The following MANBA variants were observed in gnomAD, a reference collection of about 807,000 sequenced individuals.
The protein encoded by MANBA is mannosidase beta.
In MANBA, 83 loss-of-function variants were observed where a neutral mutation model predicts 111.1. The ratio of observed to expected loss-of-function variants is 0.75; its 90% confidence interval spans 0.63 to 0.90. The LOEUF (loss-of-function observed/expected upper bound fraction) is 0.90. Ranked by LOEUF, MANBA falls within the 40% of genes least tolerant of loss-of-function variation. MANBA has a pLI of 0.00. For synonymous variants in MANBA, 370 were observed against 378.7 expected (o/e 0.98, Z 0.27); for missense variants, 1,036 against 1,069.0 (o/e 0.97, Z 0.43).
At chr4:102,688,377 CT>C (rs1337619342) in intron 7 of MANBA, among the ~76,000 whole-genome samples, 13 of 109,774 alleles carry the variant, frequency 1.2e-4, no homozygotes, top group African/African-American at 3.9e-4. Context: ...TCTCTCTCCC[CT>C]CCCCCCTTAC....
rs1034586867 is a variant in MANBA at position 102,664,809 on chromosome 4, C to A, written c.1361G>T (p.Gly454Val). Residue 454 changes from glycine to valine, a missense_variant, in exon 11 of 17, where the codon GGC (glycine) becomes GTC (valine). Transcript: ENST00000647097. ...CAGCGCCTCCTCATTTTCATTATTG[C>A]CACTCCATATGATGATAGAAGGATG... ...KSHPSIIIWS[G>V]NNENEEALMM... is the part of the protein sequence containing the mutation. The A allele has an allele frequency of 6.2e-7, 1 of 1,609,078 alleles. No homozygotes were observed. The highest frequency in any genetic ancestry group is 1.1e-5 in the South Asian group (1 of 90,980).
intron 7 of MANBA, among the ~76,000 whole-genome samples, chr4:102,689,210 G>T (rs541061474): frequency 5.2e-4 from 79 of 152,028 alleles, no homozygotes; most frequent in African/African-American, 1.7e-3. Flanking sequence ...TTAGCTGGGC[G>T]TGGTGGCGGG....
intron 5 of MANBA, among the ~76,000 whole-genome samples, chr4:102,692,109 A>G (rs227373): frequency 0.65 from 98,848 of 152,016 alleles, 32,307 homozygotes; most frequent in South Asian, 0.8. Flanking sequence ...ATCAAAGAGC[A>G]TGACCAGATC....
chr4:102,743,414 T>C (rs1349563892), intron 1 of MANBA, among the ~76,000 whole-genome samples: 2 of 152,210 alleles, frequency 1.3e-5, no homozygotes, highest in East Asian at 3.8e-4. Flanking sequence ...AGGGATGTCC[T>C]AGAAAGGGGC....
chr4:102,724,127 A>G (rs1722693311), intron 2 of MANBA, among the ~76,000 whole-genome samples, 160 bp from the exon 3 acceptor site: 1 of 152,248 alleles, frequency 6.6e-6, no homozygotes, highest in East Asian at 1.9e-4. Context: ...CTGCTTTAAA[A>G]CATACTTACG....
chr4:102,726,713 A>G (rs1722821517), intron 1 of MANBA, 30 bp from the exon 2 acceptor site: 1 of 925,350 alleles, frequency 1.1e-6, no homozygotes, highest in South Asian at 1.3e-5. Flanking sequence ...ATTATGGTAG[A>G]TGGTTAAATA....
chr4:102,732,519 T>C (rs978513082), intron 1 of MANBA, among the ~76,000 whole-genome samples: 2 of 152,164 alleles, frequency 1.3e-5, no homozygotes, highest in African/African-American at 4.8e-5. Context: ...CACTACAACA[T>C]CAGTGGGAGT....
Position 102,756,215 on chromosome 4 carries a change from T to G in MANBA, c.177+4503A>C, listed in dbSNP as rs549977603. Among the ~76,000 whole-genome samples the G allele has an allele frequency of 2.9e-3, 446 of 152,276 alleles. 5 individuals carry two copies. The highest frequency in any genetic ancestry group is 0.01 in the African/African-American group (424 of 41,566). On this transcript the variant is annotated intron_variant, in intron 1 of 16. Coordinates refer to ENST00000647097, the MANE Select transcript of MANBA (RefSeq NM_005908.4). The stretch of plus-strand genomic sequence containing the variant: ...CACTATTCACAATAGCAAAGACTTG[T>G]AACCAACCCAAATGTCCAACAATGA...
chr4:102,758,067 T>A (rs540813701), intron 1 of MANBA, among the ~76,000 whole-genome samples: 1 of 152,352 alleles, frequency 6.6e-6, no homozygotes, highest in Admixed American at 6.5e-5. Context: ...TGTTTAGAAG[T>A]CACCTTATCA....
chr4:102,757,292 G>A (rs1323815616), intron 1 of MANBA, among the ~76,000 whole-genome samples: 1 of 151,476 alleles, frequency 6.6e-6, no homozygotes. Flanking sequence ...TAGTACCATT[G>A]CATTCCAGCC....
chr4:102,690,622 C>G lies in MANBA; in HGVS notation c.823G>C (p.Val275Leu). Residue 275 changes from valine (V) to leucine (L), a missense_variant, in exon 6 of 17, where the codon GTT (valine) becomes CTT (leucine). By Grantham distance (32) the Val-to-Leu change is conservative. Coordinates refer to ENST00000647097, the MANE Select transcript of MANBA (RefSeq NM_005908.4). ...SIELQPGKRI[V>L]ELFVNISKNI... Reference sequence around the variant, plus strand: ...TTGCTAATGTTCACAAATAGCTCAACAATCCTTTTCCCAGGTTGAAGTTCA... The same window carrying G: ...TTGCTAATGTTCACAAATAGCTCAAGAATCCTTTTCCCAGGTTGAAGTTCA... 6.2e-7 allele frequency: 1 copy of G among 1,612,140 alleles called. No homozygotes were observed. Among genetic ancestry groups the G allele is most frequent in the Non-Finnish European group, 8.5e-7 (1 of 1,178,740 alleles).
intron 5 of MANBA, among the ~76,000 whole-genome samples, chr4:102,702,094 CTTCATTTCA>C (rs1415097828): frequency 6.6e-6 from 1 of 151,942 alleles, no homozygotes; most frequent in Non-Finnish European, 1.5e-5. Flanking sequence ...TCCCTTCTCG[CTTCATTTCA>C]TTCATTTCAT....
chr4:102,742,226 T>C (rs1723428652), intron 1 of MANBA, among the ~76,000 whole-genome samples: 1 of 152,170 alleles, frequency 6.6e-6, no homozygotes, highest in Admixed American at 6.5e-5. Flanking sequence ...TCTAGTTTAA[T>C]GGAATCATTG....
intron 5 of MANBA, among the ~76,000 whole-genome samples, chr4:102,702,526 T>G (rs994833837): frequency 6.6e-6 from 1 of 152,160 alleles, no homozygotes; most frequent in Non-Finnish European, 1.5e-5. Context: ...GATGTACAGA[T>G]GGGTTTTTGG....
At position 102,637,478 on chromosome 4, in the gene MANBA, C is replaced by T. The variant is rs1052440041; in HGVS notation, c.2015-1471G>A. On this transcript the variant is annotated intron_variant, in intron 14 of 16. Coordinates refer to ENST00000647097, the MANE Select transcript of MANBA (RefSeq NM_005908.4). ...GAATGGACAGGCCTTGCTGTGTTTCCCCACTCAGTCTAATGGTATTAGATC... is the reference window on the plus strand; with the variant it reads ...GAATGGACAGGCCTTGCTGTGTTTCTCCACTCAGTCTAATGGTATTAGATC... Among the ~76,000 whole-genome samples the T allele has an allele frequency of 1.2e-4, 18 of 152,288 alleles. 1 individual carries two copies. The highest frequency in any genetic ancestry group is 1.0e-3 in the Admixed American group (16 of 15,300).
intron 16 of MANBA, chr4:102,633,173 C>CT (rs5860730): frequency 0.53 from 208,878 of 396,900 alleles, 55,892 homozygotes; most frequent in Admixed American, 0.64. Flanking sequence ...AGAAAAGAAG[C>CT]TTAATAAAGC....
intron 1 of MANBA, among the ~76,000 whole-genome samples, chr4:102,742,363 C>T (rs1196949965): frequency 1.3e-5 from 2 of 151,588 alleles, no homozygotes; most frequent in African/African-American, 4.9e-5. Context: ...AGTGGTACCA[C>T]TTCCACTTCC....
intron 1 of MANBA, among the ~76,000 whole-genome samples, chr4:102,738,066 C>T (rs1001089793): frequency 1.5e-4 from 23 of 152,182 alleles, no homozygotes; most frequent in Admixed American, 7.2e-4. Flanking sequence ...CAATGTAGGG[C>T]AATATTATAT....
intron 1 of MANBA, among the ~76,000 whole-genome samples, chr4:102,744,371 T>C (rs763394031): frequency 6.0e-4 from 91 of 152,342 alleles, no homozygotes; most frequent in Admixed American, 4.6e-4. Flanking sequence ...CCAATCAGCA[T>C]AATGTCATCA....
Sources: gnomAD v4.1 joint callset for allele counts (sites outside exome capture counted in the v4.1 genomes callset) on GRCh38, gnomAD v4.1.1 for gene constraint, MANE v1.5 for transcripts, NCBI Gene and HGNC (gene_info 2026-07-23, HGNC 2026-07-21) for gene names.